NRXN3: variants seen among roughly 807,000 people sequenced by gnomAD.
NRXN3 encodes neurexin III.
NRXN3 carries 32 observed loss-of-function variants against 137.6 expected under a neutral mutation model. The observed-to-expected ratio is 0.23, with a 90% CI of 0.18 to 0.31. The LOEUF is 0.31. Among genes scored for constraint, NRXN3 ranks in the 10% least tolerant of loss-of-function variants. The pLI, the probability that NRXN3 is intolerant of heterozygous loss-of-function variation, is 1.00. For synonymous variants in NRXN3, 798 were observed against 784.5 expected (o/e 1.02, Z -0.29); for missense variants, 1,574 against 2,062.5 (o/e 0.76, Z 4.59).
At chr14:78,963,698 AAG>A (rs979460656) in intron 11 of NRXN3, among the ~76,000 whole-genome samples, 1 of 152,170 alleles carries the variant, frequency 6.6e-6, no homozygotes, top group African/African-American at 2.4e-5. Context: ...TTCTTATACT[AAG>A]AGAGTGATTT....
chr14:78,490,427 A>G (rs2095645794), intron 4 of NRXN3, among the ~76,000 whole-genome samples: 1 of 152,198 alleles, frequency 6.6e-6, no homozygotes, highest in African/African-American at 2.4e-5. Context: ...TATGCTGAAG[A>G]GCCAGAAAAC....
chr14:78,593,131 G>A (rs1038104248), intron 4 of NRXN3, among the ~76,000 whole-genome samples: 1 of 152,220 alleles, frequency 6.6e-6, no homozygotes, highest in East Asian at 1.9e-4. Flanking sequence ...GCACACACGC[G>A]GCACATCTGT....
intron 15 of NRXN3, among the ~76,000 whole-genome samples, chr14:79,334,636 G>A (rs949090033): frequency 1.3e-5 from 2 of 152,100 alleles, no homozygotes; most frequent in Admixed American, 6.6e-5. Flanking sequence ...TCATCTTGGC[G>A]GCTGGGTGCC....
Position 78,376,005 on chromosome 14 carries a change from CACACACACACACACAT to C in NRXN3, c.757+78161_757+78176del, listed in dbSNP as rs1303325492. On this transcript the variant is annotated intron_variant, in intron 4 of 20. Coordinates refer to ENST00000335750, the MANE Select transcript of NRXN3 (RefSeq NM_001330195.2). ...TGGTTCAACTTCTTCCTCCTTGATA[CACACACACACACACAT>C]ACACACACACACACACTCATTCTCC... Among the ~76,000 whole-genome samples the C allele has an allele frequency of 1.6e-4, 24 of 147,850 alleles. 1 individual carries two copies. Among genetic ancestry groups the C allele is most frequent in the African/African-American group, 6.0e-4 (24 of 40,046 alleles).
chr14:79,746,686 C>A (rs148427503), intron 19 of NRXN3, among the ~76,000 whole-genome samples: 3 of 152,220 alleles, frequency 2.0e-5, no homozygotes, highest in African/African-American at 7.2e-5. Context: ...TTGGAGGGAA[C>A]AAAAGACAGC....
chr14:78,913,840 G>C (rs1457378456), intron 10 of NRXN3, among the ~76,000 whole-genome samples: 1 of 152,062 alleles, frequency 6.6e-6, no homozygotes. Context: ...CCCCACACTT[G>C]GTAATCTCAG....
At chr14:79,057,183 A>T (rs937313568) in intron 15 of NRXN3, among the ~76,000 whole-genome samples, 3 of 152,222 alleles carry the variant, frequency 2.0e-5, no homozygotes, top group African/African-American at 7.2e-5. Flanking sequence ...GCTATAAGTG[A>T]TGTCTGAGAA....
chr14:79,173,332 C>A (rs2061970706), intron 15 of NRXN3, among the ~76,000 whole-genome samples: 1 of 151,758 alleles, frequency 6.6e-6, no homozygotes, highest in Non-Finnish European at 1.5e-5. Flanking sequence ...GAGTTGGAGA[C>A]CAGCCTGGGC....
intron 8 of NRXN3, among the ~76,000 whole-genome samples, chr14:78,760,231 G>A (rs1280880263): frequency 6.6e-6 from 1 of 150,922 alleles, no homozygotes; most frequent in Non-Finnish European, 1.5e-5. Flanking sequence ...TAGTAGAGAT[G>A]GGGTTTCTCC....
chr14:79,836,909 G>C (rs1486002462), intron 20 of NRXN3, among the ~76,000 whole-genome samples: 1 of 152,140 alleles, frequency 6.6e-6, no homozygotes, highest in African/African-American at 2.4e-5. Context: ...ACAGTGGTTA[G>C]TCTGCACAGT....
intron 8 of NRXN3, among the ~76,000 whole-genome samples, chr14:78,732,069 C>T (rs74065091): frequency 0.011 from 1,055 of 93,380 alleles, 14 homozygotes; most frequent in African/African-American, 0.034. Context: ...CCTTTTGGCT[C>T]CCTCATTACC....
At chr14:79,444,125 A>G (rs111986712) in intron 15 of NRXN3, among the ~76,000 whole-genome samples, 1 of 152,314 alleles carries the variant, frequency 6.6e-6, no homozygotes, top group East Asian at 1.9e-4. Flanking sequence ...GAATCAATAC[A>G]TTGCATTTAC....
chr14:79,268,138 T>C (rs995507797), intron 15 of NRXN3, among the ~76,000 whole-genome samples: 1 of 152,196 alleles, frequency 6.6e-6, no homozygotes, highest in Non-Finnish European at 1.5e-5. Flanking sequence ...AACAAAAACA[T>C]TTACTCCCAT....
chr14:78,326,801 C>T (rs958838257), intron 4 of NRXN3, among the ~76,000 whole-genome samples: 6 of 152,102 alleles, frequency 3.9e-5, no homozygotes, highest in Non-Finnish European at 7.3e-5. Flanking sequence ...AAGATGATTA[C>T]TGCCCTTTCT....
chr14:78,529,855 T>C (rs555725382), intron 4 of NRXN3, among the ~76,000 whole-genome samples: 3 of 152,322 alleles, frequency 2.0e-5, no homozygotes, highest in Admixed American at 2.0e-4. Flanking sequence ...CTGACTTTTA[T>C]GTAGAATAAC....
intron 15 of NRXN3, among the ~76,000 whole-genome samples, chr14:79,364,904 T>C (rs2093822975): frequency 6.6e-6 from 1 of 152,184 alleles, no homozygotes; most frequent in Non-Finnish European, 1.5e-5. Flanking sequence ...CCCTACTTAC[T>C]ATTCAAAAAT....
intron 10 of NRXN3, among the ~76,000 whole-genome samples, chr14:78,888,781 C>T (rs2099150648): frequency 6.6e-6 from 1 of 151,562 alleles, no homozygotes; most frequent in African/African-American, 2.4e-5. Context: ...TACCTGGTAG[C>T]TTCACTGATG....
At chr14:79,257,553 G>A (rs1405587445) in intron 15 of NRXN3, among the ~76,000 whole-genome samples, 63 of 76,602 alleles carry the variant, frequency 8.2e-4, no homozygotes, top group South Asian at 1.5e-3. Context: ...GGTGGTGGTG[G>A]TGGTGATGGT....
intron 8 of NRXN3, among the ~76,000 whole-genome samples, chr14:78,762,041 A>G (rs1439821060): frequency 1.3e-5 from 2 of 152,228 alleles, no homozygotes; most frequent in African/African-American, 4.8e-5. Flanking sequence ...CTGCAGAGGA[A>G]AAGTGAAAGC....
Sources: gnomAD v4.1 joint callset for allele counts (sites outside exome capture counted in the v4.1 genomes callset) on GRCh38, gnomAD v4.1.1 for gene constraint, MANE v1.5 for transcripts, NCBI Gene and HGNC (gene_info 2026-07-23, HGNC 2026-07-21) for gene names.